EFHC1: variants seen among roughly 807,000 people sequenced by gnomAD.
EFHC1 encodes the protein EF-hand domain-containing protein 1.
In EFHC1, 53 loss-of-function variants were observed where a neutral mutation model predicts 69.9. The ratio of observed to expected loss-of-function variants is 0.76; its 90% CI spans 0.61 to 0.95. EFHC1 has a LOEUF of 0.95. Ranked by LOEUF, EFHC1 falls within the 40% of genes least tolerant of loss-of-function variation. EFHC1 has a pLI of 0.00. For synonymous variants in EFHC1, 256 were observed against 278.4 expected, an observed-to-expected ratio of 0.92 and a Z score of 0.80; for missense variants, 739 against 798.7, an observed-to-expected ratio of 0.93 and a Z score of 0.90.
intron 6 of EFHC1, 27 bp downstream of exon 6, chr6:52,465,142 G>C (rs755819122): frequency 6.3e-7 from 1 of 1,595,514 alleles, no homozygotes; most frequent in Non-Finnish European, 8.6e-7. Context: ...TCTTAGTGTG[G>C]TGAGAAAACT....
At chr6:52,435,131 T>C (rs901361078) in intron 2 of EFHC1, among the ~76,000 whole-genome samples, 6 of 152,184 alleles carry the variant, frequency 3.9e-5, no homozygotes, top group African/African-American at 1.4e-4. Context: ...GTCCTCTTTA[T>C]GATGATAAGT....
intron 6 of EFHC1, among the ~76,000 whole-genome samples, chr6:52,468,191 A>G (rs1765352219): frequency 6.6e-6 from 1 of 152,200 alleles, no homozygotes. Context: ...GCAGTATCTG[A>G]AGGTTATGGT....
At chr6:52,462,653 A>C (rs1453040894) in intron 5 of EFHC1, among the ~76,000 whole-genome samples, 2 of 152,222 alleles carry the variant, frequency 1.3e-5, no homozygotes, top group African/African-American at 4.8e-5. Context: ...TGGGAGGCCA[A>C]GGCAGGCGGA....
intron 7 of EFHC1, among the ~76,000 whole-genome samples, chr6:52,474,373 C>G (rs1293437627): frequency 1.3e-5 from 2 of 152,140 alleles, no homozygotes; most frequent in East Asian, 3.8e-4. Context: ...GTGCAGATTA[C>G]AATCATAGTG....
At chr6:52,470,523 T>C (rs1172018956) in intron 7 of EFHC1, among the ~76,000 whole-genome samples, 2 of 152,202 alleles carry the variant, frequency 1.3e-5, no homozygotes, top group African/African-American at 4.8e-5. Flanking sequence ...GCACACATTA[T>C]CCATGAGTAA....
intron 2 of EFHC1, among the ~76,000 whole-genome samples, chr6:52,438,094 G>T (rs1280025047): frequency 2.0e-5 from 3 of 151,900 alleles, no homozygotes; most frequent in African/African-American, 7.3e-5. Flanking sequence ...TAGCTTGCAG[G>T]TCATAAAAAA....
At chr6:52,454,056 T>A in intron 4 of EFHC1, 39 bp from the exon 5 acceptor site, 1 of 1,611,546 alleles carries the variant, frequency 6.2e-7, no homozygotes, top group Non-Finnish European at 8.5e-7. Flanking sequence ...AACTCCCTAC[T>A]TTTAGGATTC....
intron 2 of EFHC1, among the ~76,000 whole-genome samples, chr6:52,424,900 G>A (rs1005274274): frequency 3.9e-5 from 6 of 152,146 alleles, no homozygotes; most frequent in South Asian, 2.1e-4. Flanking sequence ...ATGTGTAACT[G>A]GTTCTGAGAA....
At chr6:52,433,463 C>A (rs762657908) in intron 2 of EFHC1, among the ~76,000 whole-genome samples, 1 of 152,178 alleles carries the variant, frequency 6.6e-6, no homozygotes, top group Non-Finnish European at 1.5e-5. Context: ...ATCTAGCCAT[C>A]CAGCAAGTCT....
At chr6:52,472,100 A>G (rs1270423084) in intron 7 of EFHC1, among the ~76,000 whole-genome samples, 2 of 151,850 alleles carry the variant, frequency 1.3e-5, no homozygotes, top group Non-Finnish European at 2.9e-5. Context: ...ATATGATTTA[A>G]AAATAAAACT....
intron 1 of EFHC1, among the ~76,000 whole-genome samples, chr6:52,420,696 C>G (rs1764170895): frequency 6.6e-6 from 1 of 152,194 alleles, no homozygotes; most frequent in African/African-American, 2.4e-5. Flanking sequence ...TCATCCCTCT[C>G]TAGTTTTTTC....
intron 3 of EFHC1, among the ~76,000 whole-genome samples, chr6:52,446,208 T>C (rs1305699180): frequency 1.3e-5 from 2 of 152,164 alleles, no homozygotes; most frequent in Admixed American, 1.3e-4. Flanking sequence ...TCTCTTTGTA[T>C]GTCACTAAGG....
intron 6 of EFHC1, among the ~76,000 whole-genome samples, chr6:52,467,856 G>A (rs538592139): frequency 3.0e-4 from 46 of 152,210 alleles, no homozygotes; most frequent in Non-Finnish European, 6.0e-4. Flanking sequence ...ATCAGCAAAC[G>A]CTTTTTAGTC....
intron 2 of EFHC1, among the ~76,000 whole-genome samples, chr6:52,425,856 A>G (rs996378411): frequency 2.4e-4 from 37 of 152,194 alleles, no homozygotes; most frequent in African/African-American, 8.7e-4. Context: ...TATTTTGGAA[A>G]TTCTTAGGAC....
chr6:52,490,357 A>G lies in EFHC1; in HGVS notation c.1851+7A>G. The G allele has an allele frequency of 1.2e-6, 2 of 1,611,728 alleles. No homozygotes were observed. Among genetic ancestry groups the G allele is most frequent in the Non-Finnish European group, 1.7e-6 (2 of 1,177,844 alleles). On this transcript the variant is annotated splice_region_variant and intron_variant, in intron 10 of 10. Coordinates refer to ENST00000371068, the MANE Select transcript of EFHC1 (RefSeq NM_018100.4). The stretch of plus-strand genomic sequence containing the variant: ...TGACTCCTTGGTTAAGGAGGTCAGT[A>G]TGAATTACTCTTCTGAGTTCATTGC...
At chr6:52,474,893 T>C (rs1765513288) in intron 7 of EFHC1, among the ~76,000 whole-genome samples, 1 of 152,168 alleles carries the variant, frequency 6.6e-6, no homozygotes, top group Non-Finnish European at 1.5e-5. Context: ...GATAGAATAT[T>C]GATTGGGAGG....
At chr6:52,459,427 A>G (rs192226667) in intron 5 of EFHC1, among the ~76,000 whole-genome samples, 265 of 152,318 alleles carry the variant, frequency 1.7e-3, no homozygotes, top group Non-Finnish European at 3.2e-3. Context: ...CACCAAAAGC[A>G]TGCATGTATG....
chr6:52,455,234 A>G (rs1346486290), intron 5 of EFHC1, among the ~76,000 whole-genome samples: 1 of 152,192 alleles, frequency 6.6e-6, no homozygotes, highest in African/African-American at 2.4e-5. Flanking sequence ...TCTTAGAATA[A>G]TGTCATCTTG....
intron 3 of EFHC1, among the ~76,000 whole-genome samples, chr6:52,443,291 A>G (rs2113983923): frequency 6.6e-6 from 1 of 152,282 alleles, no homozygotes; most frequent in South Asian, 2.1e-4. Flanking sequence ...CTTTAGTTTA[A>G]TTACATCCCA....
Sources: gnomAD v4.1 joint callset for allele counts (sites outside exome capture counted in the v4.1 genomes callset) on GRCh38, gnomAD v4.1.1 for gene constraint, MANE v1.5 for transcripts, NCBI Gene and HGNC (gene_info 2026-07-23, HGNC 2026-07-21) for gene names.